XRCC4: variants seen among roughly 807,000 people sequenced by gnomAD.
XRCC4 encodes the protein DNA repair protein XRCC4.
XRCC4 carries 28 observed loss-of-function variants against 39.1 expected under a neutral mutation model. The ratio of observed to expected loss-of-function variants is 0.72; its 90% confidence interval spans 0.53 to 0.98. The LOEUF is 0.98. Ranked by LOEUF, XRCC4 falls within the 50% of genes least tolerant of loss-of-function variation. The pLI, the probability that XRCC4 is intolerant of heterozygous loss-of-function variation, is 0.00. For missense variants in XRCC4, 350 were observed against 376.4 expected, an observed-to-expected ratio of 0.93 and a Z score of 0.58; for synonymous variants, 123 against 126.4, an observed-to-expected ratio of 0.97 and a Z score of 0.18.
downstream of XRCC4, among the ~76,000 whole-genome samples, chr5:83,358,479 T>C (rs142363091): frequency 2.7e-4 from 41 of 152,230 alleles, no homozygotes; most frequent in East Asian, 7.3e-3. Flanking sequence ...CATTTAAAAC[T>C]CTCATTTCAC....
rs140851757 is a variant in XRCC4 at position 83,114,252 on chromosome 5, A to G, written c.315+3049A>G. ...GACATGCCTCGGAGACATTTCCCCC[A>G]TTGTCTTGGTGATTAACATTTGGCT... On this transcript the variant is annotated intron_variant, in intron 3 of 7. Coordinates refer to ENST00000396027, the MANE Select transcript of XRCC4 (RefSeq NM_003401.5). 3.4e-3 allele frequency among the ~76,000 whole-genome samples: 511 copies of G among 152,078 alleles called. 5 individuals are homozygous for G. The highest frequency in any genetic ancestry group is 0.014 in the South Asian group (68 of 4,818).
At chr5:83,183,571 C>T (rs141621251) in intron 3 of XRCC4, among the ~76,000 whole-genome samples, 64 of 151,914 alleles carry the variant, frequency 4.2e-4, no homozygotes, top group African/African-American at 1.4e-3. Context: ...TTTGAGTATC[C>T]GCCAGTTTCT....
At chr5:83,282,675 T>C (rs1754587202) in intron 7 of XRCC4, among the ~76,000 whole-genome samples, 2 of 151,516 alleles carry the variant, frequency 1.3e-5, no homozygotes, top group African/African-American at 4.9e-5. Context: ...ACCCCATCTC[T>C]ACTAAAAATA....
At chr5:83,217,532 A>G (rs1751912061) in intron 6 of XRCC4, among the ~76,000 whole-genome samples, 1 of 151,974 alleles carries the variant, frequency 6.6e-6, no homozygotes, top group African/African-American at 2.4e-5. Context: ...TATTAGTATT[A>G]TTTTCTGTTC....
At chr5:83,080,661 T>C (rs1218896688) in intron 1 of XRCC4, among the ~76,000 whole-genome samples, 1 of 152,202 alleles carries the variant, frequency 6.6e-6, no homozygotes, top group Non-Finnish European at 1.5e-5. Context: ...AGCGTATCCC[T>C]GCTGTATAAG....
chr5:83,304,494 C>T (rs1435830842), intron 7 of XRCC4, among the ~76,000 whole-genome samples: 1 of 152,142 alleles, frequency 6.6e-6, no homozygotes, highest in Non-Finnish European at 1.5e-5. Flanking sequence ...TTAGGCACCT[C>T]TGTGTCATCT....
chr5:83,333,239 G>C (rs576379301), intron 7 of XRCC4, among the ~76,000 whole-genome samples: 2 of 152,284 alleles, frequency 1.3e-5, no homozygotes, highest in African/African-American at 4.8e-5. Context: ...TCCGTCTTAA[G>C]TTAGTCTTCA....
intron 6 of XRCC4, among the ~76,000 whole-genome samples, chr5:83,248,188 A>G (rs1043012395): frequency 5.3e-5 from 8 of 152,182 alleles, no homozygotes; most frequent in African/African-American, 1.9e-4. Context: ...AGAGAATGGT[A>G]CATCTAACAA....
chr5:83,144,149 A>C (rs888441559), intron 3 of XRCC4, among the ~76,000 whole-genome samples: 10 of 152,118 alleles, frequency 6.6e-5, no homozygotes, highest in Non-Finnish European at 1.3e-4. Flanking sequence ...AAGTGAGAAC[A>C]TGAAGTATTT....
chr5:83,309,266 CAAAAAAAAAAAAAAAAAAAA>C (rs59326460), intron 7 of XRCC4, among the ~76,000 whole-genome samples: 1 of 17,382 alleles, frequency 5.8e-5, no homozygotes, highest in African/African-American at 1.3e-4. Context: ...GACTCCGTCT[CAAAAAAAAAAAAAAAAAAAA>C]AAAAAAAAAA....
chr5:83,275,358 G>A (rs1234241013), intron 7 of XRCC4, among the ~76,000 whole-genome samples: 4 of 150,508 alleles, frequency 2.7e-5, no homozygotes, highest in African/African-American at 4.9e-5. Flanking sequence ...GCAGTGGCGG[G>A]ATCTCGGCTC....
chr5:83,240,462 G>T (rs1024847464), intron 6 of XRCC4, among the ~76,000 whole-genome samples: 2 of 152,180 alleles, frequency 1.3e-5, no homozygotes, highest in South Asian at 4.1e-4. Context: ...GAACTATGTG[G>T]AGATAGAATT....
chr5:83,140,497 A>G (rs1291581661), intron 3 of XRCC4, among the ~76,000 whole-genome samples: 1 of 152,190 alleles, frequency 6.6e-6, no homozygotes, highest in Non-Finnish European at 1.5e-5. Context: ...CTGCCAGTCC[A>G]CTGACTCAGA....
In XRCC4 at chr5:83,334,619, A is replaced by G. The variant is rs141359325; in HGVS notation, c.894-18512A>G. Among the ~76,000 whole-genome samples the G allele has an allele frequency of 5.1e-3, 769 of 152,098 alleles. 7 individuals are homozygous for G. Among genetic ancestry groups the G allele is most frequent in the African/African-American group, 0.018 (731 of 41,546 alleles). Reference sequence around the variant, plus strand: ...AAAAAATGGTATAAACTCTTTTATAATACAACTACTTTTAAAAATATTATG... The same window carrying G: ...AAAAAATGGTATAAACTCTTTTATAGTACAACTACTTTTAAAAATATTATG... On this transcript the variant is annotated intron_variant, in intron 7 of 7. Transcript: ENST00000396027.
At chr5:83,153,106 T>C (rs1748792007) in intron 3 of XRCC4, among the ~76,000 whole-genome samples, 2 of 152,204 alleles carry the variant, frequency 1.3e-5, no homozygotes, top group Admixed American at 1.3e-4. Context: ...TTTTGTTCTA[T>C]CAGTGGAATC....
intron 6 of XRCC4, among the ~76,000 whole-genome samples, chr5:83,233,379 C>A (rs1047734692): frequency 1.3e-5 from 2 of 152,088 alleles, no homozygotes; most frequent in African/African-American, 4.8e-5. Context: ...AGCAGCTTTT[C>A]TATTCTTCCT....
At chr5:83,356,166 C>T (rs1193224730), downstream of XRCC4, among the ~76,000 whole-genome samples, 2 of 152,078 alleles carry the variant, frequency 1.3e-5, no homozygotes, top group African/African-American at 4.8e-5. Flanking sequence ...TGGAACTTCA[C>T]TGTAATACTG....
chr5:83,124,388 C>T lies in XRCC4; in HGVS notation c.315+13185C>T, dbSNP rs568563335. 2.5e-4 allele frequency among the ~76,000 whole-genome samples: 38 copies of T among 152,206 alleles called. No individual in the cohort carries two copies. The East Asian group carries it at 7.0e-3, about 28-fold the overall frequency. Reference sequence around the variant, plus strand: ...ACAATATATATCCTTTTGAGATTGGCTGCTTTTCACTGACCCTAATACTTT... The same window carrying T: ...ACAATATATATCCTTTTGAGATTGGTTGCTTTTCACTGACCCTAATACTTT... On this transcript the variant is annotated intron_variant, in intron 3 of 7. Transcript: ENST00000396027.
the XRCC4 span, among the ~76,000 whole-genome samples, chr5:83,371,291 A>G: frequency 6.6e-6 from 1 of 152,132 alleles, no homozygotes. Context: ...CTTTTACCAT[A>G]TCTTCCTCAC....
Sources: gnomAD v4.1 joint callset for allele counts (sites outside exome capture counted in the v4.1 genomes callset) on GRCh38, gnomAD v4.1.1 for gene constraint, MANE v1.5 for transcripts, NCBI Gene and HGNC (gene_info 2026-07-23, HGNC 2026-07-21) for gene names.